The following FBN1 variants were observed in gnomAD, a reference collection of about 807,000 sequenced individuals.
The protein encoded by FBN1 is fibrillin 1, also known as fibrillin-1.
In FBN1, 29 loss-of-function variants were observed where a neutral mutation model predicts 365.1. The ratio of observed to expected loss-of-function variants is 0.08; its 90% CI spans 0.06 to 0.11. The LOEUF (loss-of-function observed/expected upper bound fraction) is 0.11. FBN1 is among the 10% of genes least tolerant of loss of function. The pLI is 1.00. For synonymous variants in FBN1, 1,210 were observed against 1,270.5 expected (o/e 0.95, Z 1.01); for missense variants, 2,476 against 3,703.2 (o/e 0.67, Z 8.60).
At position 48,470,386 on chromosome 15, in the gene FBN1, A is replaced by T. The variant is rs2141275371; in HGVS notation, c.4459+248T>A. The stretch of plus-strand genomic sequence containing the variant: ...TACACCACTAGAGCACCCCTAGAAC[A>T]TTCCTTTGTAGCCACAAACTCAATT... On this transcript the variant is annotated intron_variant, in intron 36 of 65. Transcript: ENST00000316623. 1.3e-5 allele frequency among the ~76,000 whole-genome samples: 2 copies of T among 152,346 alleles called. 1 individual carries two copies. The highest frequency in any genetic ancestry group is 4.1e-4 in the South Asian group (2 of 4,826).
intron 63 of FBN1, 79 bp from the exon 64 acceptor site, chr15:48,415,846 G>T (rs2042900220): frequency 1.6e-6 from 2 of 1,241,650 alleles, no homozygotes; most frequent in Non-Finnish European, 1.2e-6. Context: ...GCCACTTGCT[G>T]CCGGCCAGCT....
intron 56 of FBN1, among the ~76,000 whole-genome samples, chr15:48,430,266 T>C (rs991694300): frequency 5.3e-5 from 8 of 152,162 alleles, no homozygotes; most frequent in African/African-American, 1.9e-4. Context: ...TGGAGGTAGA[T>C]CCCAATGGTT....
At chr15:48,460,140 ATTGT>A in intron 43 of FBN1, 102 bp downstream of exon 43, 1 of 788,916 alleles carries the variant, frequency 1.3e-6, no homozygotes. Flanking sequence ...AGTGAAAGGC[ATTGT>A]TTAATATTTT....
chr15:48,635,277 T>C (rs897463942), intron 2 of FBN1, among the ~76,000 whole-genome samples: 1 of 152,094 alleles, frequency 6.6e-6, no homozygotes, highest in Non-Finnish European at 1.5e-5. Flanking sequence ...GCTGAATAAA[T>C]AGAGTCAGTG....
intron 2 of FBN1, among the ~76,000 whole-genome samples, chr15:48,626,852 C>T (rs1204090402): frequency 2.0e-5 from 3 of 152,036 alleles, no homozygotes; most frequent in Non-Finnish European, 2.9e-5. Flanking sequence ...CACATGAAGT[C>T]ATTCAGTGGA....
chr15:48,418,984 A>G lies in FBN1; in HGVS notation c.7819+1703T>C, dbSNP rs76106106. ...TGAAATTTACTTCTAGAAAGCAATG[A>G]AATTAGTGGCCCTCTTACCCCAAAG... On this transcript the variant is annotated intron_variant, in intron 63 of 65. Coordinates refer to ENST00000316623, the MANE Select transcript of FBN1 (RefSeq NM_000138.5). 9.8e-3 allele frequency among the ~76,000 whole-genome samples: 1,494 copies of G among 152,270 alleles called. 11 individuals carry two copies. Among genetic ancestry groups the G allele is most frequent in the Non-Finnish European group, 0.015 (1,003 of 68,012 alleles).
intron 17 of FBN1, 58 bp from the exon 18 acceptor site, chr15:48,499,096 G>T: frequency 6.4e-7 from 1 of 1,567,444 alleles, no homozygotes; most frequent in Non-Finnish European, 8.8e-7. Flanking sequence ...GGTAGATCCT[G>T]CCCTTGGTTT....
intron 6 of FBN1, among the ~76,000 whole-genome samples, chr15:48,594,324 C>A (rs555428840): frequency 2.6e-5 from 4 of 152,142 alleles, no homozygotes; most frequent in African/African-American, 4.8e-5. Flanking sequence ...CTGCTACTAA[C>A]GGGCAAGCCT....
At chr15:48,610,898 A>C in intron 3 of FBN1, 72 bp from the exon 4 acceptor site, 2 of 1,305,270 alleles carry the variant, frequency 1.5e-6, no homozygotes, top group Non-Finnish European at 2.2e-6. Context: ...CAATCCTCAA[A>C]TGAGGAAACC....
chr15:48,457,489 T>C (rs2043250055), intron 43 of FBN1, among the ~76,000 whole-genome samples: 1 of 151,754 alleles, frequency 6.6e-6, no homozygotes, highest in African/African-American at 2.4e-5. Flanking sequence ...GGACCAAGAG[T>C]GAGAACACAG....
Position 48,502,254 on chromosome 15 carries a change from C to G in FBN1, c.2113+1533G>C, listed in dbSNP as rs148991876. Among the ~76,000 whole-genome samples, 504 of 152,252 alleles carry G rather than the reference C, an allele frequency of 3.3e-3. 4 individuals are homozygous for G. Among genetic ancestry groups the G allele is most frequent in the Middle Eastern group, 6.8e-3 (2 of 294 alleles). On this transcript the variant is annotated intron_variant, in intron 17 of 65. Coordinates refer to ENST00000316623, the MANE Select transcript of FBN1 (RefSeq NM_000138.5). ...AGAGATGAGATTTCACCATGTCAGC[C>G]AAGCTGGTCTTGAACTCCTAACCTC...
At chr15:48,633,699 T>C (rs1037049669) in intron 2 of FBN1, among the ~76,000 whole-genome samples, 11 of 152,046 alleles carry the variant, frequency 7.2e-5, no homozygotes, top group Non-Finnish European at 1.2e-4. Flanking sequence ...CTGCCTAAGA[T>C]CAAATAAATG....
At chr15:48,550,523 A>G (rs981791274) in intron 6 of FBN1, among the ~76,000 whole-genome samples, 2 of 152,012 alleles carry the variant, frequency 1.3e-5, no homozygotes, top group African/African-American at 4.8e-5. Flanking sequence ...TTTAGTGTAG[A>G]CCCTCATTTC....
chr15:48,612,475 T>C (rs193103929), intron 3 of FBN1, among the ~76,000 whole-genome samples: 3 of 152,354 alleles, frequency 2.0e-5, no homozygotes, highest in Admixed American at 6.5e-5. Context: ...ATTTGTGGGA[T>C]ATTGGGGAAA....
rs766565738 is a variant in FBN1 at position 48,510,105 on chromosome 15, G to A, written c.1653C>T (p.Gly551=). The A allele has an allele frequency of 2.5e-6, 4 of 1,613,206 alleles. No homozygotes were observed. The African/African-American group carries it at 5.3e-5, about 22-fold the overall frequency. The change falls in exon 14 of 66, where the codon GGC becomes GGT. Residue 551 remains glycine (G), a synonymous_variant. Transcript: ENST00000316623. ...CNNGRCINTD[G]SFHCVCNAGF... Reference sequence around the variant, plus strand: ...CCGCATTACACACGCAATGAAAACTGCCATCTGTGTTGATGCAGCGTCCAT... The same window carrying A: ...CCGCATTACACACGCAATGAAAACTACCATCTGTGTTGATGCAGCGTCCAT...
At chr15:48,641,029 A>G (rs1343285876) in intron 2 of FBN1, 3 of 152,202 alleles carry the variant, frequency 2.0e-5, no homozygotes, top group Non-Finnish European at 1.5e-5. Flanking sequence ...CCCATTTCAC[A>G]TATCAAGCAA....
At chr15:48,638,448 T>C (rs1678983) in intron 2 of FBN1, among the ~76,000 whole-genome samples, 34,929 of 152,164 alleles carry the variant, frequency 0.23, 7,123 homozygotes, top group African/African-American at 0.56. Flanking sequence ...AGCTAGATTT[T>C]CCAACTCTAC....
In FBN1 at chr15:48,598,429, T is replaced by C. The variant is rs576616665; in HGVS notation, c.442+1710A>G. 4.6e-5 allele frequency among the ~76,000 whole-genome samples: 7 copies of C among 152,352 alleles called. No individual in the cohort carries two copies. The South Asian group carries it at 1.5e-3, about 32-fold the overall frequency. On this transcript the variant is annotated intron_variant, in intron 5 of 65. Transcript: ENST00000316623. ...TTGATGTTGTTAGTGTTGTTTATTGTTGTGGTCTCACTCTTCTTTCCTAGC... is the reference window on the plus strand; with the variant it reads ...TTGATGTTGTTAGTGTTGTTTATTGCTGTGGTCTCACTCTTCTTTCCTAGC...
At chr15:48,549,527 A>G (rs2044124699) in intron 6 of FBN1, among the ~76,000 whole-genome samples, 1 of 152,166 alleles carries the variant, frequency 6.6e-6, no homozygotes. Flanking sequence ...GGTTTCTTAT[A>G]ACCTGGGATT....
Sources: allele counts gnomAD v4.1 joint callset (sites outside exome capture counted in the v4.1 genomes callset), GRCh38; gene constraint gnomAD v4.1.1; transcripts MANE v1.5; gene names NCBI Gene and HGNC (gene_info 2026-07-23, HGNC 2026-07-21).